ASIC2: variants seen among roughly 807,000 people sequenced by gnomAD.
The protein encoded by ASIC2 is acid sensing ion channel subunit 2, also known as acid-sensing ion channel 2.
ASIC2 carries 25 observed loss-of-function variants against 57.3 expected under a neutral mutation model. The observed-to-expected ratio is 0.44, with a 90% CI of 0.32 to 0.61. The LOEUF is 0.61. Among genes scored for constraint, ASIC2 ranks in the 20% least tolerant of loss-of-function variants. ASIC2 has a pLI of 0.06. For synonymous variants in ASIC2, 319 were observed against 307.5 expected (o/e 1.04, Z -0.39); for missense variants, 641 against 738.1 (o/e 0.87, Z 1.52).
chr17:33,770,581 C>T (rs972812609), intron 1 of ASIC2, among the ~76,000 whole-genome samples: 1 of 152,114 alleles, frequency 6.6e-6, no homozygotes, highest in Non-Finnish European at 1.5e-5. Flanking sequence ...TCCCAGGCAC[C>T]CCACTACATT....
chr17:33,838,885 A>C (rs1318568123), intron 1 of ASIC2, among the ~76,000 whole-genome samples: 2 of 152,212 alleles, frequency 1.3e-5, no homozygotes, highest in African/African-American at 4.8e-5. Context: ...GCCAGAGTTG[A>C]AAACTTCTAC....
intron 1 of ASIC2, among the ~76,000 whole-genome samples, chr17:33,117,073 T>C (rs4794939): frequency 0.94 from 143,367 of 152,166 alleles, 67,994 homozygotes; most frequent in African/African-American, 0.99. Context: ...AGGATGGTCT[T>C]GAACTCCTGG....
rs113863987 is a variant in ASIC2 at position 34,029,276 on chromosome 17, A to G, written c.555+126702T>C. Among the ~76,000 whole-genome samples the G allele has an allele frequency of 2.1e-4, 32 of 151,502 alleles. 1 individual carries two copies. The highest frequency in any genetic ancestry group is 7.3e-4 in the African/African-American group (30 of 41,280). The stretch of plus-strand genomic sequence containing the variant: ...ATAAGGATTTTTGTCTGTTTTCTCT[A>G]TTACTGTCATCCAGTGTCAAGAAAT... On this transcript the variant is annotated intron_variant, in intron 1 of 9. Transcript: ENST00000359872.
At chr17:33,566,757 T>G (rs1366380521) in intron 1 of ASIC2, among the ~76,000 whole-genome samples, 1 of 152,130 alleles carries the variant, frequency 6.6e-6, no homozygotes, top group Non-Finnish European at 1.5e-5. Flanking sequence ...ATTTAAGATG[T>G]CTTCCCCCTG....
At chr17:34,062,323 G>C (rs920280984) in intron 1 of ASIC2, among the ~76,000 whole-genome samples, 4 of 152,058 alleles carry the variant, frequency 2.6e-5, no homozygotes, top group Non-Finnish European at 4.4e-5. Flanking sequence ...TCTTCAAACT[G>C]AATGACAATA....
At chr17:33,473,315 G>C (rs562917106) in intron 1 of ASIC2, among the ~76,000 whole-genome samples, 1 of 152,326 alleles carries the variant, frequency 6.6e-6, no homozygotes, top group East Asian at 1.9e-4. Flanking sequence ...AAAGCACTGG[G>C]TGGATAAACA....
intron 1 of ASIC2, among the ~76,000 whole-genome samples, chr17:33,464,469 TTCTTTCTTTTC>T (rs1418058294): frequency 1.1e-5 from 1 of 87,798 alleles, no homozygotes; most frequent in African/African-American, 5.7e-5. Context: ...CTTTCTTTCT[TTCTTTCTTTTC>T]TCTCTTTCTT....
intron 1 of ASIC2, among the ~76,000 whole-genome samples, chr17:33,838,450 A>G (rs1331495469): frequency 6.6e-6 from 1 of 152,158 alleles, no homozygotes. Flanking sequence ...TACAATCCTT[A>G]AGACTTGATC....
At chr17:34,028,399 T>C (rs1229357760) in intron 1 of ASIC2, among the ~76,000 whole-genome samples, 1 of 152,194 alleles carries the variant, frequency 6.6e-6, no homozygotes, top group Non-Finnish European at 1.5e-5. Flanking sequence ...TTTGAGAACC[T>C]ATATTGTCCT....
intron 1 of ASIC2, among the ~76,000 whole-genome samples, chr17:33,355,280 A>T (rs1371245577): frequency 6.6e-6 from 1 of 152,190 alleles, no homozygotes; most frequent in Non-Finnish European, 1.5e-5. Context: ...GGTTGCAGTG[A>T]GCCAAGATTG....
At chr17:33,030,582 A>G (rs9902036) in intron 3 of ASIC2, among the ~76,000 whole-genome samples, 59,138 of 151,898 alleles carry the variant, frequency 0.39, 11,844 homozygotes, top group Admixed American at 0.54. Context: ...GAGAGAGAGG[A>G]TATCTTCCCT....
intron 1 of ASIC2, among the ~76,000 whole-genome samples, chr17:34,139,505 A>T (rs1395773632): frequency 6.6e-6 from 1 of 152,244 alleles, no homozygotes; most frequent in Non-Finnish European, 1.5e-5. Flanking sequence ...TGAATGGATA[A>T]ATAAAACGTG....
At position 33,355,009 on chromosome 17, in the gene ASIC2, T is replaced by C. The variant is rs557766005; in HGVS notation, c.556-242942A>G. Among the ~76,000 whole-genome samples, 11 of 152,258 alleles carry C rather than the reference T, an allele frequency of 7.2e-5. No homozygotes were observed. The South Asian group carries it at 2.1e-3, about 29-fold the overall frequency. Reference sequence around the variant, plus strand: ...GGCAGGAGATGCAGCTTATTAATCTTGGTTGGAAACAGCAAGTTGTGTTGT... The same window carrying C: ...GGCAGGAGATGCAGCTTATTAATCTCGGTTGGAAACAGCAAGTTGTGTTGT... On this transcript the variant is annotated intron_variant, in intron 1 of 9. Transcript: ENST00000359872.
intron 1 of ASIC2, among the ~76,000 whole-genome samples, chr17:33,277,195 CCT>C (rs1435260528): frequency 6.6e-6 from 1 of 152,188 alleles, no homozygotes; most frequent in African/African-American, 2.4e-5. Flanking sequence ...GATTCAATTC[CCT>C]GTGACCAGGT....
intron 1 of ASIC2, among the ~76,000 whole-genome samples, chr17:33,693,292 T>A (rs1908429822): frequency 6.6e-6 from 1 of 151,852 alleles, no homozygotes; most frequent in South Asian, 2.1e-4. Flanking sequence ...TAGTACTGCA[T>A]TAAATTTGTA....
At chr17:33,985,891 C>T (rs1162225031) in intron 1 of ASIC2, among the ~76,000 whole-genome samples, 1 of 152,232 alleles carries the variant, frequency 6.6e-6, no homozygotes, top group Non-Finnish European at 1.5e-5. Context: ...AGGCATCCCT[C>T]AGCCTCAGGG....
intron 3 of ASIC2, 104 bp downstream of exon 3, chr17:33,088,759 G>C (rs2092145675): frequency 2.1e-6 from 3 of 1,410,642 alleles, no homozygotes; most frequent in Non-Finnish European, 2.8e-6. Context: ...TAGTTTCACA[G>C]TAAAGCCCTT....
intron 1 of ASIC2, among the ~76,000 whole-genome samples, chr17:33,834,774 C>G (rs1190682657): frequency 2.0e-5 from 3 of 152,138 alleles, no homozygotes; most frequent in African/African-American, 7.2e-5. Flanking sequence ...GAGAGTGCTG[C>G]CTCTGTCTCT....
chr17:33,985,966 C>T (rs959058590), intron 1 of ASIC2, among the ~76,000 whole-genome samples: 3 of 152,132 alleles, frequency 2.0e-5, no homozygotes, highest in Non-Finnish European at 4.4e-5. Context: ...AACTCCATTG[C>T]CTTCTTCTTT....
Sources: gnomAD v4.1 joint callset for allele counts (sites outside exome capture counted in the v4.1 genomes callset) on GRCh38, gnomAD v4.1.1 for gene constraint, MANE v1.5 for transcripts, NCBI Gene and HGNC (gene_info 2026-07-23, HGNC 2026-07-21) for gene names.